BCAT1: variants seen among roughly 807,000 people sequenced by gnomAD.
BCAT1 encodes the protein branched-chain-amino-acid aminotransferase, cytosolic.
In BCAT1, 48 loss-of-function variants were observed where a neutral mutation model predicts 52.4. That is an observed-to-expected ratio of 0.92 (90% confidence interval 0.73 to 1.16). The LOEUF (loss-of-function observed/expected upper bound fraction) is 1.16. BCAT1 is among the 50% of genes most tolerant of loss of function. The pLI is 0.00. For missense variants in BCAT1, 451 were observed against 457.1 expected (o/e 0.99, Z 0.12); for synonymous variants, 167 against 161.3 (o/e 1.04, Z -0.27).
At chr12:24,903,839 G>A (rs1403970754) in intron 1 of BCAT1, 1 of 152,214 alleles carries the variant, frequency 6.6e-6, no homozygotes, top group Non-Finnish European at 1.5e-5. Context: ...CTTATATGCA[G>A]TGTTCGCCTG....
chr12:24,867,866 A>G (rs756387865), intron 5 of BCAT1, among the ~76,000 whole-genome samples: 3 of 152,252 alleles, frequency 2.0e-5, no homozygotes, highest in Admixed American at 6.5e-5. Context: ...GTAGCCGAGC[A>G]TGGTGGCACA....
In BCAT1 at chr12:24,812,196, C is replaced by G. The variant is rs1939709954; in HGVS notation, c.*5812G>C. 1 of 152,066 alleles carries G rather than the reference C, an allele frequency of 6.6e-6. No homozygotes were observed. Among genetic ancestry groups the G allele is most frequent in the African/African-American group, 2.4e-5 (1 of 41,434 alleles). The allele number at this position is 152,066 out of a possible 1,614,324, so 9.4% of individuals were successfully genotyped here. Reference sequence around the variant, plus strand: ...GAATGAGTTTAATGATCATAGGAAACTAGTTTGAGGAAACTGCAATGTGTT... The same window carrying G: ...GAATGAGTTTAATGATCATAGGAAAGTAGTTTGAGGAAACTGCAATGTGTT... On this transcript the variant is annotated 3_prime_UTR_variant, in exon 11 of 11. Transcript: ENST00000261192.
chr12:24,936,665 G>A (rs1371147221), intron 1 of BCAT1, among the ~76,000 whole-genome samples: 2 of 149,890 alleles, frequency 1.3e-5, no homozygotes, highest in African/African-American at 4.9e-5. Flanking sequence ...TGCATTCTTT[G>A]GCTCATCCTT....
At chr12:24,943,754 G>A (rs1054660813) in intron 1 of BCAT1, among the ~76,000 whole-genome samples, 3 of 152,144 alleles carry the variant, frequency 2.0e-5, no homozygotes, top group Non-Finnish European at 4.4e-5. Context: ...GGTGGCCGAG[G>A]CGGGCAGATC....
chr12:24,859,618 CAAAAA>C (rs71063366), intron 5 of BCAT1, among the ~76,000 whole-genome samples: 2 of 94,000 alleles, frequency 2.1e-5, no homozygotes, highest in Admixed American at 1.1e-4. Context: ...AGACTCGTCT[CAAAAA>C]AAAAAAAAAA....
At chr12:24,920,721 G>C (rs1237269228) in intron 1 of BCAT1, among the ~76,000 whole-genome samples, 1 of 152,116 alleles carries the variant, frequency 6.6e-6, no homozygotes, top group African/African-American at 2.4e-5. Flanking sequence ...CACAAGTTGA[G>C]GGCTCAGTCC....
chr12:24,906,703 C>T (rs971249898), intron 1 of BCAT1, among the ~76,000 whole-genome samples: 3 of 152,180 alleles, frequency 2.0e-5, no homozygotes, highest in Admixed American at 1.3e-4. Flanking sequence ...CAAATGTGGT[C>T]TGTGGACTGT....
intron 5 of BCAT1, among the ~76,000 whole-genome samples, chr12:24,872,788 C>T (rs771882791): frequency 2.6e-5 from 4 of 152,198 alleles, no homozygotes; most frequent in Non-Finnish European, 4.4e-5. Flanking sequence ...ATCACAGATT[C>T]GACCCTTTTC....
chr12:24,877,357 C>A (rs939681740), intron 5 of BCAT1, among the ~76,000 whole-genome samples: 1 of 152,184 alleles, frequency 6.6e-6, no homozygotes, highest in Admixed American at 6.5e-5. Context: ...ATATCACACT[C>A]TCAAGCCACA....
chr12:24,868,350 A>T (rs1013468113), intron 5 of BCAT1, among the ~76,000 whole-genome samples: 11 of 152,246 alleles, frequency 7.2e-5, no homozygotes, highest in African/African-American at 2.7e-4. Context: ...ATAGGGGTGT[A>T]TCCGTATGTG....
At chr12:24,921,356 C>T (rs767650385) in intron 1 of BCAT1, among the ~76,000 whole-genome samples, 19 of 152,146 alleles carry the variant, frequency 1.2e-4, no homozygotes, top group Non-Finnish European at 2.4e-4. Flanking sequence ...TAGGCCTTTC[C>T]TCAGATCGCT....
At chr12:24,844,985 G>C (rs1219572137) in intron 6 of BCAT1, among the ~76,000 whole-genome samples, 4 of 151,432 alleles carry the variant, frequency 2.6e-5, no homozygotes, top group Admixed American at 6.6e-5. Context: ...GGCTGAGGTG[G>C]GCAAGTTACT....
At chr12:24,834,567 A>C (rs887209900) in intron 8 of BCAT1, 15 of 973,804 alleles carry the variant, frequency 1.5e-5, no homozygotes, top group Non-Finnish European at 1.8e-5. Flanking sequence ...TAATTTATAA[A>C]CCCACAAGAG....
Position 24,878,093 on chromosome 12 carries a change from G to A in BCAT1, c.510+437C>T, listed in dbSNP as rs565409589. 6.6e-5 allele frequency among the ~76,000 whole-genome samples: 10 copies of A among 151,378 alleles called. No homozygotes were observed. In the East Asian group the frequency reaches 1.6e-3, roughly 24 times the overall value. Reference sequence around the variant, plus strand: ...CACTTGAGCCCAGGAGGTCAAAGCTGCAGTCAGCCGTGATTGCATCACTGC... The same window carrying A: ...CACTTGAGCCCAGGAGGTCAAAGCTACAGTCAGCCGTGATTGCATCACTGC... On this transcript the variant is annotated intron_variant, in intron 5 of 10. Transcript: ENST00000261192.
At chr12:24,866,232 G>A (rs961906657) in intron 5 of BCAT1, among the ~76,000 whole-genome samples, 10 of 152,356 alleles carry the variant, frequency 6.6e-5, no homozygotes, top group Non-Finnish European at 8.8e-5. Context: ...CAGCAGCTGC[G>A]GAGGGTGCAC....
chr12:24,856,981 A>G (rs1158163862), intron 5 of BCAT1, among the ~76,000 whole-genome samples: 2 of 152,128 alleles, frequency 1.3e-5, no homozygotes, highest in Non-Finnish European at 1.5e-5. Flanking sequence ...CCTGTCAATT[A>G]GTCCTAAAAA....
At chr12:24,921,968 C>T (rs1270131784) in intron 1 of BCAT1, among the ~76,000 whole-genome samples, 1 of 152,142 alleles carries the variant, frequency 6.6e-6, no homozygotes, top group African/African-American at 2.4e-5. Context: ...AGAAAACTAG[C>T]ACACATGTGC....
intron 4 of BCAT1, among the ~76,000 whole-genome samples, chr12:24,880,520 G>A (rs945701445): frequency 2.0e-5 from 3 of 151,904 alleles, no homozygotes; most frequent in Non-Finnish European, 4.4e-5. Flanking sequence ...TGACAGCCAC[G>A]ATTCAATGGC....
At chr12:24,895,927 T>A (rs1442466875) in intron 2 of BCAT1, among the ~76,000 whole-genome samples, 1 of 152,210 alleles carries the variant, frequency 6.6e-6, no homozygotes. Flanking sequence ...ATTACTGTAA[T>A]GTTCAGGCTA....
Sources: gnomAD v4.1 joint callset for allele counts (sites outside exome capture counted in the v4.1 genomes callset) on GRCh38, gnomAD v4.1.1 for gene constraint, MANE v1.5 for transcripts, NCBI Gene and HGNC (gene_info 2026-07-23, HGNC 2026-07-21) for gene names.